The following L3MBTL3 variants were observed in gnomAD, a reference collection of about 807,000 sequenced individuals.
L3MBTL3 encodes lethal(3)malignant brain tumor-like protein 3.
L3MBTL3 carries 27 observed loss-of-function variants against 102.3 expected under a neutral mutation model. That is an observed-to-expected ratio of 0.26 (90% confidence interval 0.19 to 0.36). The LOEUF (loss-of-function observed/expected upper bound fraction) is 0.36, where lower values mean the gene tolerates loss of function less well. L3MBTL3 is among the 10% of genes least tolerant of loss of function. L3MBTL3 has a pLI of 1.00. For missense variants in L3MBTL3, 798 were observed against 955.3 expected (o/e 0.84, Z 2.17); for synonymous variants, 340 against 320.9 (o/e 1.06, Z -0.64).
At chr6:130,055,502 C>T (rs1584334640) in intron 8 of L3MBTL3, among the ~76,000 whole-genome samples, 3 of 141,752 alleles carry the variant, frequency 2.1e-5, no homozygotes, top group Non-Finnish European at 4.7e-5. Flanking sequence ...CTCCCTCCCT[C>T]TCTCCCTGCC....
intron 2 of L3MBTL3, among the ~76,000 whole-genome samples, chr6:130,039,723 G>T (rs1780299190): frequency 6.6e-6 from 1 of 151,984 alleles, no homozygotes; most frequent in African/African-American, 2.4e-5. Flanking sequence ...TTCAAGAAAT[G>T]CATTTTTTAA....
intron 13 of L3MBTL3, among the ~76,000 whole-genome samples, chr6:130,072,608 G>C (rs1408928699): frequency 1.3e-5 from 2 of 152,172 alleles, no homozygotes; most frequent in Non-Finnish European, 2.9e-5. Flanking sequence ...CAGCCCTGCT[G>C]CAACCTTTAC....
At chr6:130,049,721 C>G (rs763115749) in intron 4 of L3MBTL3, 35 bp from the exon 5 acceptor site, 44 of 1,613,330 alleles carry the variant, frequency 2.7e-5, no homozygotes, top group Non-Finnish European at 3.7e-5. Flanking sequence ...TAACTAACAC[C>G]TATATGCTGA....
intron 18 of L3MBTL3, among the ~76,000 whole-genome samples, chr6:130,102,223 A>T (rs1784737182): frequency 6.6e-6 from 1 of 152,134 alleles, no homozygotes; most frequent in African/African-American, 2.4e-5. Context: ...TCTTGGGATG[A>T]CAAAGGATAC....
At chr6:130,092,094 A>G (rs760606766) in intron 16 of L3MBTL3, among the ~76,000 whole-genome samples, 20 of 152,288 alleles carry the variant, frequency 1.3e-4, no homozygotes, top group Admixed American at 2.6e-4. Context: ...TTATATGCCT[A>G]TATCAAAATG....
At chr6:130,019,887 CCGGGA>C (rs923451942) in intron 1 of L3MBTL3, among the ~76,000 whole-genome samples, 1 of 139,308 alleles carries the variant, frequency 7.2e-6, no homozygotes, top group Non-Finnish European at 1.6e-5. Flanking sequence ...GCGGGCCGGG[CCGGGA>C]GCCCGCGCCG....
intron 18 of L3MBTL3, among the ~76,000 whole-genome samples, chr6:130,098,863 C>CTTTT (rs11332477): frequency 1.7e-5 from 2 of 118,522 alleles, no homozygotes; most frequent in East Asian, 2.8e-4. Flanking sequence ...GTGTGTTTTT[C>CTTTT]TTTTTTTTTT....
Position 130,104,426 on chromosome 6 carries a change from T to A in L3MBTL3, c.1737T>A (p.Ser579Arg). 1 of 1,538,310 alleles carries A rather than the reference T, an allele frequency of 6.5e-7. No homozygotes were observed. The highest frequency in any genetic ancestry group is 1.3e-5 in the South Asian group (1 of 74,334). The change falls in exon 19 of 23, where the codon AGT (serine) becomes AGA (arginine). Residue 579 changes from serine to arginine, a missense_variant and splice_region_variant. This residue lies in a region of L3MBTL3 where 306 missense variants were observed against 314.4 expected (regional missense o/e 0.97). Transcript: ENST00000361794. ...FKRARHLGPHSAANCPYSEIN... is the reference protein window; with the variant it reads ...FKRARHLGPHRAANCPYSEIN... ...TTTTTCTTTTCTTTTAATCTGTTAG[T>A]GCTGCCAACTGTCCCTATTCAGAAA...
intron 2 of L3MBTL3, among the ~76,000 whole-genome samples, chr6:130,031,978 C>G (rs1779751910): frequency 6.6e-6 from 1 of 152,026 alleles, no homozygotes; most frequent in Non-Finnish European, 1.5e-5. Flanking sequence ...GTGATGTGAT[C>G]ATAGCTCACT....
At chr6:130,054,903 C>G (rs558469759) in intron 7 of L3MBTL3, among the ~76,000 whole-genome samples, 2 of 152,196 alleles carry the variant, frequency 1.3e-5, no homozygotes, top group Admixed American at 6.5e-5. Context: ...AGAGCGGTCA[C>G]GCAGCTGAGA....
chr6:130,057,711 G>A (rs1457943432), intron 9 of L3MBTL3, among the ~76,000 whole-genome samples: 2 of 152,160 alleles, frequency 1.3e-5, no homozygotes, highest in African/African-American at 2.4e-5. Context: ...ACTGACACAC[G>A]TGTGCTCTTC....
chr6:130,109,924 A>G (rs1327710531), intron 19 of L3MBTL3, among the ~76,000 whole-genome samples: 2 of 152,204 alleles, frequency 1.3e-5, no homozygotes, highest in Admixed American at 1.3e-4. Context: ...ATGGCTAGCC[A>G]GTTTTCCCAG....
intron 16 of L3MBTL3, among the ~76,000 whole-genome samples, chr6:130,090,240 A>G (rs1562301547): frequency 6.6e-6 from 1 of 152,180 alleles, no homozygotes; most frequent in Non-Finnish European, 1.5e-5. Context: ...CTATTTCATT[A>G]TATGAATATA....
chr6:130,113,248 G>T (rs1445809837), intron 19 of L3MBTL3, among the ~76,000 whole-genome samples: 1 of 152,180 alleles, frequency 6.6e-6, no homozygotes, highest in Non-Finnish European at 1.5e-5. Flanking sequence ...TCATAAAAAT[G>T]AAGGCACAGG....
chr6:130,096,949 G>T (rs1201275898), intron 18 of L3MBTL3, among the ~76,000 whole-genome samples: 1 of 152,172 alleles, frequency 6.6e-6, no homozygotes, highest in African/African-American at 2.4e-5. Context: ...CACATATAGA[G>T]AGCATAACTA....
In L3MBTL3 at chr6:130,018,676, T is replaced by C. The variant is rs1778719886; in HGVS notation, c.-95+12T>C. 2 of 152,780 alleles carry C rather than the reference T, an allele frequency of 1.3e-5. No individual in the cohort carries two copies. The highest frequency in any genetic ancestry group is 2.9e-5 in the Non-Finnish European group (2 of 68,114). The allele number at this position is 152,780 out of a possible 1,614,324, so 9.5% of individuals were successfully genotyped here. ...GAGAAAATTTGGGGGTAAGAAGCGGTTGATCGGATCTAATCTCTAATTAAT... is the reference window on the plus strand; with the variant it reads ...GAGAAAATTTGGGGGTAAGAAGCGGCTGATCGGATCTAATCTCTAATTAAT... On this transcript the variant is annotated intron_variant, in intron 1 of 22. Coordinates refer to ENST00000361794, the MANE Select transcript of L3MBTL3 (RefSeq NM_032438.4).
intron 12 of L3MBTL3, among the ~76,000 whole-genome samples, chr6:130,069,449 A>G (rs999292497): frequency 6.6e-6 from 1 of 152,202 alleles, no homozygotes; most frequent in East Asian, 1.9e-4. Flanking sequence ...TCAAACACAA[A>G]CCAGGTTGGA....
chr6:130,049,902 C>G (rs1780984244), intron 5 of L3MBTL3, 72 bp downstream of exon 5: 3 of 1,532,876 alleles, frequency 2.0e-6, no homozygotes, highest in African/African-American at 1.4e-5. Flanking sequence ...CAAACCTGCT[C>G]TTTCTTCCCT....
intron 8 of L3MBTL3, 24 bp from the exon 9 acceptor site, chr6:130,057,382 A>G: frequency 6.3e-7 from 1 of 1,579,480 alleles, no homozygotes; most frequent in African/African-American, 1.3e-5. Flanking sequence ...AAATTCTGTC[A>G]TTTCCGTCTT....
Sources: gnomAD v4.1 joint callset for allele counts (sites outside exome capture counted in the v4.1 genomes callset) on GRCh38, gnomAD v4.1.1 for gene constraint, gnomAD v4.1.1 regional missense constraint, MANE v1.5 for transcripts, NCBI Gene and HGNC (gene_info 2026-07-23, HGNC 2026-07-21) for gene names.